DPP10: variants seen among roughly 807,000 people sequenced by gnomAD.
DPP10 encodes the protein dipeptidyl peptidase like 10.
In DPP10, 33 loss-of-function variants were observed where a neutral mutation model predicts 120.9. That is an observed-to-expected ratio of 0.27 (90% CI 0.21 to 0.37). The LOEUF (loss-of-function observed/expected upper bound fraction) is 0.37. Among genes scored for constraint, DPP10 ranks in the 10% least tolerant of loss-of-function variants. DPP10 has a pLI of 1.00. For missense variants in DPP10, 816 were observed against 942.8 expected, an observed-to-expected ratio of 0.87 and a Z score of 1.76; for synonymous variants, 337 against 326.1, an observed-to-expected ratio of 1.03 and a Z score of -0.36.
intron 3 of DPP10, among the ~76,000 whole-genome samples, chr2:115,383,172 C>T (rs2066550777): frequency 6.6e-6 from 1 of 152,136 alleles, no homozygotes; most frequent in African/African-American, 2.4e-5. Context: ...TGGCTGTGTA[C>T]CCACCCAAAT....
At position 115,068,699 on chromosome 2, in the gene DPP10, C is replaced by T. The variant is rs139699673; in HGVS notation, c.61-240540C>T. Among the ~76,000 whole-genome samples the T allele has an allele frequency of 2.3e-3, 354 of 152,216 alleles. 1 individual carries two copies. The highest frequency in any genetic ancestry group is 8.0e-3 in the African/African-American group (332 of 41,552). ...TTGTCTTTCAATAATTTTATAGTTT[C>T]AGATGTTACATTGAAGTCTTTAATC... On this transcript the variant is annotated intron_variant, in intron 1 of 25. Transcript: ENST00000410059.
chr2:114,808,888 C>T lies in DPP10; in HGVS notation c.60+366050C>T, dbSNP rs146831862. Among the ~76,000 whole-genome samples the T allele has an allele frequency of 2.3e-3, 353 of 152,222 alleles. 1 individual carries two copies. The highest frequency in any genetic ancestry group is 8.3e-3 in the African/African-American group (343 of 41,542). ...CCTAGTTTCTCCCTTTAATGCTATT[C>T]TGTTTTCATCAGATCACATAAGCAC... On this transcript the variant is annotated intron_variant, in intron 1 of 25. Transcript: ENST00000410059.
intron 1 of DPP10, among the ~76,000 whole-genome samples, chr2:114,636,003 T>C (rs1695274524): frequency 6.6e-6 from 1 of 151,904 alleles, no homozygotes; most frequent in South Asian, 2.1e-4. Context: ...GTTTCAGAAT[T>C]TGACTTTTTG....
chr2:115,307,423 C>T (rs1484662756), intron 1 of DPP10, among the ~76,000 whole-genome samples: 1 of 152,036 alleles, frequency 6.6e-6, no homozygotes, highest in Non-Finnish European at 1.5e-5. Flanking sequence ...GTTATAATTG[C>T]TACATTTCTA....
chr2:115,344,623 A>T (rs1046645703), intron 3 of DPP10, among the ~76,000 whole-genome samples: 6 of 152,144 alleles, frequency 3.9e-5, no homozygotes, highest in Non-Finnish European at 7.3e-5. Context: ...AATCTCTGAC[A>T]TAAAAATAAG....
At chr2:115,357,556 G>A (rs1188538712) in intron 3 of DPP10, among the ~76,000 whole-genome samples, 1 of 152,172 alleles carries the variant, frequency 6.6e-6, no homozygotes, top group Non-Finnish European at 1.5e-5. Context: ...GGTGTTGTGT[G>A]TGCAGCTTTT....
At chr2:115,366,503 A>G (rs1452122970) in intron 3 of DPP10, among the ~76,000 whole-genome samples, 1 of 152,086 alleles carries the variant, frequency 6.6e-6, no homozygotes, top group Non-Finnish European at 1.5e-5. Context: ...AAGTTAGTGT[A>G]CAGATTTTTA....
intron 5 of DPP10, among the ~76,000 whole-genome samples, chr2:115,591,637 G>C (rs1177817688): frequency 6.6e-6 from 1 of 152,176 alleles, no homozygotes; most frequent in Non-Finnish European, 1.5e-5. Flanking sequence ...TGGCAATGTG[G>C]ACTCTTTTTT....
chr2:114,584,681 A>T (rs1408209417), intron 1 of DPP10, among the ~76,000 whole-genome samples: 1 of 151,790 alleles, frequency 6.6e-6, no homozygotes, highest in East Asian at 1.9e-4. Flanking sequence ...TGAGAAATCA[A>T]TTATGAATAT....
intron 3 of DPP10, among the ~76,000 whole-genome samples, chr2:115,414,159 A>T (rs1224296522): frequency 6.6e-6 from 1 of 152,104 alleles, no homozygotes; most frequent in East Asian, 1.9e-4. Context: ...AATTGTACCT[A>T]TTTAGGATTA....
At chr2:115,215,564 A>G (rs1023517622) in intron 1 of DPP10, among the ~76,000 whole-genome samples, 13 of 152,190 alleles carry the variant, frequency 8.5e-5, no homozygotes, top group Non-Finnish European at 1.8e-4. Context: ...ATTGGTGGGA[A>G]TATGTATTAA....
chr2:114,563,980 C>G (rs1410342643), intron 1 of DPP10, among the ~76,000 whole-genome samples: 6 of 152,168 alleles, frequency 3.9e-5, no homozygotes, highest in African/African-American at 1.4e-4. Context: ...AGCTCACCCG[C>G]TGGGATAGCA....
At chr2:114,457,662 G>T (rs897277973) in intron 1 of DPP10, among the ~76,000 whole-genome samples, 2 of 152,252 alleles carry the variant, frequency 1.3e-5, no homozygotes, top group South Asian at 4.1e-4. Flanking sequence ...TCACATGGAA[G>T]AACTGATATT....
At chr2:115,178,997 A>G (rs1402257244) in intron 1 of DPP10, among the ~76,000 whole-genome samples, 1 of 152,212 alleles carries the variant, frequency 6.6e-6, no homozygotes, top group Non-Finnish European at 1.5e-5. Flanking sequence ...GCATTGGTCT[A>G]CATATGTTAA....
chr2:114,926,048 G>A (rs561665233), intron 1 of DPP10, among the ~76,000 whole-genome samples: 19 of 152,294 alleles, frequency 1.2e-4, no homozygotes, highest in African/African-American at 2.9e-4. Flanking sequence ...ACATTGTAAC[G>A]TGTGTGGTAT....
intron 1 of DPP10, among the ~76,000 whole-genome samples, chr2:114,898,839 G>T (rs527848601): frequency 6.6e-6 from 1 of 152,136 alleles, no homozygotes; most frequent in South Asian, 2.1e-4. Flanking sequence ...TTTTTTTCCT[G>T]ATGTCTTTGC....
intron 19 of DPP10, among the ~76,000 whole-genome samples, chr2:115,808,579 C>G (rs1686288705): frequency 6.6e-6 from 1 of 152,164 alleles, no homozygotes. Context: ...TATTATCACC[C>G]TCTATACCAA....
chr2:114,696,860 G>A (rs900385159), intron 1 of DPP10, among the ~76,000 whole-genome samples: 1 of 151,776 alleles, frequency 6.6e-6, no homozygotes, highest in African/African-American at 2.4e-5. Flanking sequence ...ACGCTGGCAA[G>A]CTTGGGTTTC....
intron 1 of DPP10, among the ~76,000 whole-genome samples, chr2:114,995,695 G>A (rs1305409004): frequency 6.6e-6 from 1 of 152,070 alleles, no homozygotes; most frequent in East Asian, 1.9e-4. Flanking sequence ...TTTAGAGTGG[G>A]GGGAACCAGC....
Sources: allele counts gnomAD v4.1 joint callset (sites outside exome capture counted in the v4.1 genomes callset), GRCh38; gene constraint gnomAD v4.1.1; transcripts MANE v1.5; gene names NCBI Gene and HGNC (gene_info 2026-07-23, HGNC 2026-07-21).